Variants in CFTR observed in about 807,000 individuals in gnomAD.
CFTR encodes the protein CF transmembrane conductance regulator, also known as cystic fibrosis transmembrane conductance regulator.
A neutral mutation model predicts 171.6 loss-of-function variants in CFTR; 181 were observed. The ratio of observed to expected loss-of-function variants is 1.05; its 90% CI spans 0.93 to 1.19. The LOEUF (loss-of-function observed/expected upper bound fraction) is 1.19. Among genes scored for constraint, CFTR ranks in the 50% most tolerant of loss-of-function variants. CFTR has a pLI of 0.00. For missense variants in CFTR, 1,968 were observed against 1,734.7 expected (o/e 1.13, Z -2.39); for synonymous variants, 583 against 608.0 (o/e 0.96, Z 0.60).
At chr7:117,638,603 G>T (rs1427282712) in intron 22 of CFTR, among the ~76,000 whole-genome samples, 1 of 151,980 alleles carries the variant, frequency 6.6e-6, no homozygotes, top group Admixed American at 6.6e-5. Context: ...GGGCATGGTG[G>T]TGGCCATCTG....
At position 117,592,419 on chromosome 7, in the gene CFTR, G is replaced by A. The variant is rs397508357; in HGVS notation, c.2252G>A (p.Arg751His). 18 of 1,612,530 alleles carry A rather than the reference G, an allele frequency of 1.1e-5. No homozygotes were observed. Among genetic ancestry groups the A allele is most frequent in the Non-Finnish European group, 1.4e-5 (17 of 1,179,248 alleles). ...DSEQGEAILP[R>H]ISVISTGPTL... The stretch of plus-strand genomic sequence containing the variant: ...GAGCAGGGAGAGGCGATACTGCCTC[G>A]CATCAGCGTGATCAGCACTGGCCCC... Residue 751 changes from arginine (R) to histidine (H), a missense_variant, in exon 14 of 27, where the codon CGC becomes CAC. By Grantham distance (29) the Arg-to-His change is conservative (BLOSUM62 0). Coordinates refer to ENST00000003084, the MANE Select transcript of CFTR (RefSeq NM_000492.4).
At chr7:117,653,274 C>T (rs1185808543) in intron 24 of CFTR, among the ~76,000 whole-genome samples, 1 of 152,218 alleles carries the variant, frequency 6.6e-6, no homozygotes, top group Non-Finnish European at 1.5e-5. Flanking sequence ...TCTCTCCTCA[C>T]TGGTATGGCT....
intron 9 of CFTR, among the ~76,000 whole-genome samples, chr7:117,545,638 C>A (rs937711943): frequency 9.2e-5 from 14 of 152,092 alleles, no homozygotes; most frequent in Non-Finnish European, 1.9e-4. Context: ...TTGCTCCAAA[C>A]CTGAGAGTAA....
chr7:117,545,728 G>C (rs558864408), intron 9 of CFTR, among the ~76,000 whole-genome samples: 1 of 152,118 alleles, frequency 6.6e-6, no homozygotes, highest in East Asian at 1.9e-4. Context: ...AACTAGCTAG[G>C]GCAGAGCTAA....
Position 117,534,326 on chromosome 7 carries a change from T to C in CFTR, c.540T>C (p.Leu180=). The C allele has an allele frequency of 1.2e-6, 2 of 1,605,824 alleles. No homozygotes were observed. Among genetic ancestry groups the C allele is most frequent in the Non-Finnish European group, 1.7e-6 (2 of 1,172,916 alleles). The change falls in exon 5 of 27, where the codon CTT becomes CTC. Residue 180 remains leucine, a synonymous_variant. Coordinates refer to ENST00000003084, the MANE Select transcript of CFTR (RefSeq NM_000492.4). ...TAGATAAAATAAGTATTGGACAACT[T>C]GTTAGTCTCCTTTCCAACAACCTGA... The part of the protein sequence containing the change: ...RVLDKISIGQ[L]VSLLSNNLNK...
chr7:117,583,230 A>G (rs1791875323), intron 11 of CFTR, among the ~76,000 whole-genome samples: 1 of 152,114 alleles, frequency 6.6e-6, no homozygotes, highest in African/African-American at 2.4e-5. Context: ...GGTTACATGG[A>G]TAAGTGCTTT....
intron 13 of CFTR, among the ~76,000 whole-genome samples, 196 bp downstream of exon 13, chr7:117,590,635 T>A (rs1180986970): frequency 6.6e-6 from 1 of 152,058 alleles, no homozygotes; most frequent in Non-Finnish European, 1.5e-5. Flanking sequence ...TTAAAACCTT[T>A]TCTCACCGCC....
rs1800078 is a variant in CFTR, at chr7:117,531,038, T to C, written c.413T>C (p.Leu138Pro). 3.1e-6 allele frequency: 5 copies of C among 1,613,700 alleles called. No individual in the cohort carries two copies. The South Asian group carries it at 3.3e-5, about 11-fold the overall frequency. ...CLLFIVRTLLLHPAIFGLHHI... is the reference protein window; with the variant it reads ...CLLFIVRTLLPHPAIFGLHHI... ...CTCTTTATTGTGAGGACACTGCTCC[T>C]ACACCCAGCCATTTTTGGCCTTCAT... Residue 138 changes from leucine (L) to proline (P), a missense_variant, in exon 4 of 27, where the codon CTA becomes CCA. Physicochemically the swap from Leu to Pro is moderately conservative, Grantham distance 98. Coordinates refer to ENST00000003084, the MANE Select transcript of CFTR (RefSeq NM_000492.4).
At chr7:117,666,393 T>C (rs2116224984) in intron 26 of CFTR, among the ~76,000 whole-genome samples, 2 of 152,062 alleles carry the variant, frequency 1.3e-5, no homozygotes, top group East Asian at 3.8e-4. Context: ...AGTAACAAAT[T>C]AGGGGGGCAG....
intron 1 of CFTR, among the ~76,000 whole-genome samples, chr7:117,503,987 G>GT (rs1250614489): frequency 6.6e-6 from 1 of 152,066 alleles, no homozygotes; most frequent in Non-Finnish European, 1.5e-5. Context: ...TTAGCAGTTT[G>GT]TTTTTTCCCT....
intron 23 of CFTR, among the ~76,000 whole-genome samples, chr7:117,646,291 C>T (rs188754633): frequency 1.1e-4 from 17 of 152,136 alleles, no homozygotes; most frequent in African/African-American, 3.6e-4. Flanking sequence ...ATAATGTCCC[C>T]ATCTTAGTAT....
intron 23 of CFTR, among the ~76,000 whole-genome samples, chr7:117,649,132 G>A (rs1275470437): frequency 2.4e-4 from 36 of 151,380 alleles, no homozygotes; most frequent in Admixed American, 2.1e-3. Flanking sequence ...TAAACTATTA[G>A]ACTATAGTAT....
chr7:117,649,682 A>G (rs1030735456), intron 23 of CFTR, among the ~76,000 whole-genome samples: 3 of 151,962 alleles, frequency 2.0e-5, no homozygotes, highest in African/African-American at 7.2e-5. Flanking sequence ...TATTGAGCAT[A>G]TATTATGAAC....
intron 18 of CFTR, 80 bp from the exon 19 acceptor site, chr7:117,610,434 AAAAAG>A: frequency 1.6e-6 from 2 of 1,281,916 alleles, no homozygotes; most frequent in Non-Finnish European, 2.2e-6. Flanking sequence ...GCAAAAAAAA[AAAAAG>A]AAATAAATCA....
intron 18 of CFTR, among the ~76,000 whole-genome samples, chr7:117,609,579 G>A (rs1562913679): frequency 6.6e-6 from 1 of 152,044 alleles, no homozygotes; most frequent in East Asian, 1.9e-4. Context: ...AATTTATTAA[G>A]TATGATTTAT....
At chr7:117,573,084 A>G (rs1427779074) in intron 11 of CFTR, among the ~76,000 whole-genome samples, 1 of 151,764 alleles carries the variant, frequency 6.6e-6, no homozygotes, top group African/African-American at 2.4e-5. Context: ...TTCTGTCAAT[A>G]TAGCAACACC....
At chr7:117,549,520 T>C (rs1213963048) in intron 10 of CFTR, among the ~76,000 whole-genome samples, 1 of 152,090 alleles carries the variant, frequency 6.6e-6, no homozygotes, top group African/African-American at 2.4e-5. Flanking sequence ...TAGATAATGG[T>C]AAAAACTTGC....
intron 1 of CFTR, among the ~76,000 whole-genome samples, chr7:117,483,853 C>T (rs996084543): frequency 3.3e-5 from 5 of 152,010 alleles, no homozygotes; most frequent in East Asian, 1.9e-4. Context: ...GGATTACAGG[C>T]GTAAGCCACC....
chr7:117,621,128 A>G (rs1203007820), intron 21 of CFTR, among the ~76,000 whole-genome samples: 2 of 152,028 alleles, frequency 1.3e-5, no homozygotes, highest in Non-Finnish European at 2.9e-5. Flanking sequence ...AGAAAGCAAA[A>G]ACACAGATTA....
Sources: gnomAD v4.1 joint callset for allele counts (sites outside exome capture counted in the v4.1 genomes callset) on GRCh38, gnomAD v4.1.1 for gene constraint, MANE v1.5 for transcripts, NCBI Gene and HGNC (gene_info 2026-07-23, HGNC 2026-07-21) for gene names.